The following SYT6 variants were observed in gnomAD, a reference collection of about 807,000 sequenced individuals.
SYT6 encodes the protein synaptotagmin 6.
In SYT6, 24 loss-of-function variants were observed where a neutral mutation model predicts 38.4. The observed-to-expected ratio is 0.62, with a 90% CI of 0.45 to 0.88. SYT6 has a LOEUF of 0.88. Among genes scored for constraint, SYT6 ranks in the 40% least tolerant of loss-of-function variants. The pLI, the probability that SYT6 is intolerant of heterozygous loss-of-function variation, is 0.00. For synonymous variants in SYT6, 265 were observed against 241.9 expected (o/e 1.10, Z -0.89); for missense variants, 611 against 621.0 (o/e 0.98, Z 0.17).
At chr1:114,108,226 C>T (rs1463392599) in intron 3 of SYT6, among the ~76,000 whole-genome samples, 2 of 152,174 alleles carry the variant, frequency 1.3e-5, no homozygotes, top group Non-Finnish European at 2.9e-5. Flanking sequence ...CTGCAGTGCA[C>T]AGGGCATCTG....
Position 114,093,342 on chromosome 1 carries a change from T to C in SYT6, c.*51+393A>G, listed in dbSNP as rs573705677. Among the ~76,000 whole-genome samples the C allele has an allele frequency of 1.2e-4, 18 of 152,328 alleles. No homozygotes were observed. In the East Asian group the frequency reaches 2.5e-3, roughly 21 times the overall value. On this transcript the variant is annotated intron_variant, in intron 7 of 7. Transcript: ENST00000610222. The stretch of plus-strand genomic sequence containing the variant: ...CTAAGGAAAGCTTCTGTTACCCTTC[T>C]CTGGGCTCGGTTCTTCATGGGCTTC...
intron 3 of SYT6, among the ~76,000 whole-genome samples, chr1:114,134,002 T>C (rs575111475): frequency 1.2e-4 from 19 of 152,326 alleles, no homozygotes; most frequent in African/African-American, 4.6e-4. Flanking sequence ...GGGACCTGCC[T>C]GGTGCCACCT....
intron 3 of SYT6, among the ~76,000 whole-genome samples, chr1:114,118,545 A>G (rs1571855154): frequency 6.6e-6 from 1 of 152,306 alleles, no homozygotes; most frequent in East Asian, 1.9e-4. Flanking sequence ...CTGCTCAGGA[A>G]TGGCGCTGCC....
intron 6 of SYT6, 118 bp from the exon 7 acceptor site, chr1:114,093,921 G>T: frequency 1.1e-6 from 1 of 942,666 alleles, no homozygotes; most frequent in Non-Finnish European, 1.7e-6. Flanking sequence ...TTATTTAACA[G>T]ACCTTCATTT....
chr1:114,123,973 C>CGATTCTTCCACCT (rs1553182265), intron 3 of SYT6, among the ~76,000 whole-genome samples: 1 of 151,894 alleles, frequency 6.6e-6, no homozygotes, highest in East Asian at 1.9e-4. Flanking sequence ...AGACCCCATC[C>CGATTCTTCCACCT]GGCTGGGGCC....
rs962591121 is a variant in SYT6 at position 114,090,625 on chromosome 1, G to A, written c.*1509C>T. 10 of 152,318 alleles carry A rather than the reference G, an allele frequency of 6.6e-5. No individual in the cohort carries two copies. The highest frequency in any genetic ancestry group is 2.2e-4 in the African/African-American group (9 of 41,434). 9.4% of individuals were successfully genotyped at this position (152,318 alleles called of 1,614,324 possible). On this transcript the variant is annotated 3_prime_UTR_variant, in exon 8 of 8. Coordinates refer to ENST00000610222, the MANE Select transcript of SYT6 (RefSeq NM_001253772.2). ...CTTGATTTTCCACTGTTAAAAGAAG[G>A]GGTTCTTCAGCAGACTTGCCTCTTG...
At position 114,091,287 on chromosome 1, in the gene SYT6, C is replaced by T. The variant is rs1675287400; in HGVS notation, c.*847G>A. 2 of 152,742 alleles carry T rather than the reference C, an allele frequency of 1.3e-5. No individual in the cohort carries two copies. Among genetic ancestry groups the T allele is most frequent in the Admixed American group, 1.3e-4 (2 of 15,282 alleles). 9.5% of individuals were successfully genotyped at this position (152,742 alleles called of 1,614,324 possible). A position where few individuals can be genotyped will look rare whatever the true frequency, so the allele number is the denominator to read the frequency against. ...AATGTGATCATTAACTGTGGCGCATCAGAAAACATATGGCGTGTTTAGTTT... is the reference window on the plus strand; with the variant it reads ...AATGTGATCATTAACTGTGGCGCATTAGAAAACATATGGCGTGTTTAGTTT... On this transcript the variant is annotated 3_prime_UTR_variant, in exon 8 of 8. Transcript: ENST00000610222.
Position 114,137,572 on chromosome 1 carries a change from T to A in SYT6, c.994A>T (p.Ile332Phe). 1 of 1,614,202 alleles carries A rather than the reference T, an allele frequency of 6.2e-7. No homozygotes were observed. Among genetic ancestry groups the A allele is most frequent in the Non-Finnish European group, 8.5e-7 (1 of 1,180,034 alleles). ...GAGGCCTCAAAGAGGTTGTCCAGGA[T>A]GACCTCGCCAATCATGTCATGGCGG... ...FSRHDMIGEVILDNLFEASDL... is the reference protein window; with the variant it reads ...FSRHDMIGEVFLDNLFEASDL... The change falls in exon 3 of 8, where the codon ATC becomes TTC. Residue 332 changes from isoleucine (I) to phenylalanine (F), a missense_variant. Ile to Phe is a conservative substitution (Grantham distance 21). Coordinates refer to ENST00000610222, the MANE Select transcript of SYT6 (RefSeq NM_001253772.2).
At position 114,137,587 on chromosome 1, in the gene SYT6, T is replaced by C; in HGVS notation, c.979A>G (p.Met327Val). The C allele has an allele frequency of 6.2e-7, 1 of 1,614,136 alleles. No homozygotes were observed. Among genetic ancestry groups the C allele is most frequent in the Non-Finnish European group, 8.5e-7 (1 of 1,180,020 alleles). Residue 327 changes from methionine (M) to valine (V), a missense_variant, in exon 3 of 8, where the codon ATG becomes GTG. Transcript: ENST00000610222. Reference sequence around the variant, plus strand: ...TTGTCCAGGATGACCTCGCCAATCATGTCATGGCGGGAGAAGCGGTCAAAG... The same window carrying C: ...TTGTCCAGGATGACCTCGCCAATCACGTCATGGCGGGAGAAGCGGTCAAAG... ...FDFDRFSRHD[M>V]IGEVILDNLF... is the part of the protein sequence containing the mutation.
In SYT6 at chr1:114,110,015, G is replaced by A. The variant is rs114347056; in HGVS notation, c.1072-6294C>T. On this transcript the variant is annotated intron_variant, in intron 3 of 7. Coordinates refer to ENST00000610222, the MANE Select transcript of SYT6 (RefSeq NM_001253772.2). Reference sequence around the variant, plus strand: ...CTGACAGCATGGTGATGACAGGGGCGGAGAGCTCCCAGATGAGGCTAGAAA... The same window carrying A: ...CTGACAGCATGGTGATGACAGGGGCAGAGAGCTCCCAGATGAGGCTAGAAA... Among the ~76,000 whole-genome samples, 570 of 152,300 alleles carry A rather than the reference G, an allele frequency of 3.7e-3. 5 individuals carry two copies. The highest frequency in any genetic ancestry group is 0.013 in the African/African-American group (550 of 41,552).
chr1:114,139,498 A>G (rs1678720664), intron 2 of SYT6, 117 bp downstream of exon 2: 4 of 1,444,326 alleles, frequency 2.8e-6, no homozygotes, highest in Admixed American at 2.3e-5. Context: ...ATATTTGTCA[A>G]TCAAAGGATA....
chr1:114,144,698 C>T (rs1248009731), intron 1 of SYT6, among the ~76,000 whole-genome samples: 1 of 152,100 alleles, frequency 6.6e-6, no homozygotes, highest in Non-Finnish European at 1.5e-5. Flanking sequence ...CTGAGCAAGG[C>T]TTGAATGCCC....
At chr1:114,117,803 C>T (rs1371163769) in intron 3 of SYT6, among the ~76,000 whole-genome samples, 1 of 152,210 alleles carries the variant, frequency 6.6e-6, no homozygotes, top group East Asian at 1.9e-4. Flanking sequence ...TGGGGCAAGT[C>T]ACTGTGCCTC....
intron 3 of SYT6, among the ~76,000 whole-genome samples, chr1:114,129,012 C>A (rs139929465): frequency 2.8e-4 from 43 of 152,324 alleles, no homozygotes; most frequent in African/African-American, 9.9e-4. Flanking sequence ...AGCATCGCCA[C>A]TTGGATGTCC....
intron 3 of SYT6, among the ~76,000 whole-genome samples, chr1:114,109,558 C>T (rs998537009): frequency 1.3e-5 from 2 of 152,276 alleles, no homozygotes; most frequent in Non-Finnish European, 1.5e-5. Flanking sequence ...TTAGGGTTGC[C>T]GCAGAGATTA....
intron 3 of SYT6, among the ~76,000 whole-genome samples, chr1:114,130,139 C>T (rs568653088): frequency 6.6e-6 from 1 of 152,206 alleles, no homozygotes; most frequent in Non-Finnish European, 1.5e-5. Context: ...CCTGCCCACC[C>T]TGTTTTGCCC....
chr1:114,100,910 C>G (rs905422030), intron 4 of SYT6, among the ~76,000 whole-genome samples: 4 of 152,162 alleles, frequency 2.6e-5, no homozygotes, highest in African/African-American at 9.6e-5. Context: ...CATTCCCCTG[C>G]TCTACCTATT....
chr1:114,122,284 G>A (rs957012469), intron 3 of SYT6, among the ~76,000 whole-genome samples: 1 of 152,192 alleles, frequency 6.6e-6, no homozygotes, highest in Non-Finnish European at 1.5e-5. Flanking sequence ...ATTCCTAAGC[G>A]CATCATCTTC....
At chr1:114,127,984 C>T (rs900552687) in intron 3 of SYT6, among the ~76,000 whole-genome samples, 1 of 152,220 alleles carries the variant, frequency 6.6e-6, no homozygotes, top group East Asian at 1.9e-4. Context: ...TGGCTTCTGA[C>T]TCAGGTGGGT....
Sources: allele counts gnomAD v4.1 joint callset (sites outside exome capture counted in the v4.1 genomes callset), GRCh38; gene constraint gnomAD v4.1.1; transcripts MANE v1.5; gene names NCBI Gene and HGNC (gene_info 2026-07-23, HGNC 2026-07-21).